SMYD3: variants seen among roughly 807,000 people sequenced by gnomAD.
SMYD3 encodes SET and MYND domain containing 3.
In SMYD3, 36 loss-of-function variants were observed where a neutral mutation model predicts 57.7. That is an observed-to-expected ratio of 0.62 (90% confidence interval 0.48 to 0.82). The LOEUF is 0.82. Ranked by LOEUF, SMYD3 falls within the 40% of genes least tolerant of loss-of-function variation. SMYD3 has a pLI of 0.00. For missense variants in SMYD3, 515 were observed against 538.8 expected, an observed-to-expected ratio of 0.96 and a Z score of 0.44; for synonymous variants, 211 against 195.0, an observed-to-expected ratio of 1.08 and a Z score of -0.68.
At chr1:246,025,594 C>A (rs1431840518) in intron 5 of SMYD3, among the ~76,000 whole-genome samples, 1 of 152,156 alleles carries the variant, frequency 6.6e-6, no homozygotes, top group African/African-American at 2.4e-5. Context: ...CTAGCCCACA[C>A]CAACCACAAA....
rs1261017352 is a variant in SMYD3 at position 246,210,926 on chromosome 1, C to T, written c.531+116275G>A. On this transcript the variant is annotated intron_variant, in intron 5 of 11. Transcript: ENST00000490107. ...ATGAGTGCTGCACTGCTTTCGGCCCCGCATGGTGTGCTGGCAGACACCACC... is the reference window on the plus strand; with the variant it reads ...ATGAGTGCTGCACTGCTTTCGGCCCTGCATGGTGTGCTGGCAGACACCACC... Among the ~76,000 whole-genome samples the T allele has an allele frequency of 3.3e-5, 5 of 152,072 alleles. No individual in the cohort carries two copies. In the East Asian group the frequency reaches 5.8e-4, roughly 18 times the overall value.
chr1:246,429,621 G>A (rs1269414306), intron 1 of SMYD3, among the ~76,000 whole-genome samples: 1 of 152,192 alleles, frequency 6.6e-6, no homozygotes, highest in East Asian at 1.9e-4. Flanking sequence ...TGTGTTCCCA[G>A]AACTTAAGAT....
Position 245,799,977 on chromosome 1 carries a change from C to T in SMYD3, c.1077-35828G>A, listed in dbSNP as rs537521574. Among the ~76,000 whole-genome samples, 3 of 152,364 alleles carry T rather than the reference C, an allele frequency of 2.0e-5. No homozygotes were observed. The South Asian group carries it at 6.2e-4, about 32-fold the overall frequency. ...AACAGTTGGCATCACTTTGAAGCCA[C>T]TCCAAGGTGGCATCTGCACTTAATA... is the stretch of plus-strand genomic sequence containing the variant. On this transcript the variant is annotated intron_variant, in intron 10 of 11. Coordinates refer to ENST00000490107, the MANE Select transcript of SMYD3 (RefSeq NM_001167740.2).
chr1:246,269,662 G>A (rs576098909), intron 5 of SMYD3, among the ~76,000 whole-genome samples: 13 of 150,682 alleles, frequency 8.6e-5, no homozygotes, highest in Admixed American at 1.3e-4. Flanking sequence ...TCAACCTCCC[G>A]AGCCCAAGCA....
chr1:246,007,901 A>G (rs1481734792), intron 5 of SMYD3, among the ~76,000 whole-genome samples: 2 of 152,192 alleles, frequency 1.3e-5, no homozygotes, highest in South Asian at 4.2e-4. Context: ...TAAATGCATT[A>G]GAAAAGAACT....
intron 1 of SMYD3, among the ~76,000 whole-genome samples, chr1:246,421,258 TTTTA>T (rs146227858): frequency 0.085 from 12,963 of 152,156 alleles, 663 homozygotes; most frequent in Middle Eastern, 0.2. Context: ...GTTGTACCAC[TTTTA>T]TTTACCTTAC....
intron 2 of SMYD3, among the ~76,000 whole-genome samples, chr1:246,349,523 A>T (rs2065787256): frequency 6.6e-6 from 1 of 152,044 alleles, no homozygotes; most frequent in African/African-American, 2.4e-5. Context: ...AAGGAGGATG[A>T]GTTGAACTGA....
chr1:245,896,389 C>CAAAAAAAAAAAAAAAAAAA (rs3052904), intron 8 of SMYD3, among the ~76,000 whole-genome samples: 6 of 73,722 alleles, frequency 8.1e-5, no homozygotes, highest in Admixed American at 1.6e-4. Context: ...TTTGCCAAGT[C>CAAAAAAAAAAAAAAAAAAA]AAAAAAAAAA....
In SMYD3 at chr1:246,385,673, A is replaced by G. The variant is rs1402537693; in HGVS notation, c.165-30579T>C. ...CTCCAAACTGTGCATTATATTGTCTATGAACAAGAAATGAAATGGACATGG... is the reference window on the plus strand; with the variant it reads ...CTCCAAACTGTGCATTATATTGTCTGTGAACAAGAAATGAAATGGACATGG... On this transcript the variant is annotated intron_variant, in intron 1 of 11. Coordinates refer to ENST00000490107, the MANE Select transcript of SMYD3 (RefSeq NM_001167740.2). Among the ~76,000 whole-genome samples the G allele has an allele frequency of 2.0e-5, 3 of 152,232 alleles. No individual in the cohort carries two copies. In the East Asian group the frequency reaches 5.8e-4, roughly 29 times the overall value.
In SMYD3 at chr1:246,387,207, C is replaced by T. The variant is rs192691450; in HGVS notation, c.165-32113G>A. Among the ~76,000 whole-genome samples the T allele has an allele frequency of 2.0e-5, 3 of 152,270 alleles. No individual in the cohort carries two copies. In the South Asian group the frequency reaches 6.2e-4, roughly 32 times the overall value. ...GGCAACGTACTTAGCATATGGTATA[C>T]GGTATGAGCTTTAGACATGGACTGA... On this transcript the variant is annotated intron_variant, in intron 1 of 11. Transcript: ENST00000490107.
intron 5 of SMYD3, among the ~76,000 whole-genome samples, chr1:246,182,498 CCA>C (rs1488491380): frequency 1.3e-5 from 2 of 151,338 alleles, no homozygotes; most frequent in East Asian, 3.9e-4. Flanking sequence ...GGTCAGGTAG[CCA>C]CTTTCATGCA....
chr1:245,862,127 T>C (rs372483330), intron 9 of SMYD3, among the ~76,000 whole-genome samples: 16 of 152,172 alleles, frequency 1.1e-4, no homozygotes, highest in African/African-American at 3.9e-4. Context: ...CATCTCATCA[T>C]AGACAGCGTT....
At chr1:245,753,401 C>T (rs2045475556) in intron 11 of SMYD3, among the ~76,000 whole-genome samples, 1 of 152,188 alleles carries the variant, frequency 6.6e-6, no homozygotes, top group East Asian at 1.9e-4. Flanking sequence ...AAGTAGGATT[C>T]AGTAATGTGC....
intron 5 of SMYD3, among the ~76,000 whole-genome samples, chr1:246,034,961 C>T (rs1420808818): frequency 6.6e-6 from 1 of 152,164 alleles, no homozygotes; most frequent in Non-Finnish European, 1.5e-5. Flanking sequence ...ACACCTTCCT[C>T]CCCCAATATA....
rs1404171847 is a variant in SMYD3, at chr1:246,469,984, TAC to T, written c.164+37068_164+37069del. Among the ~76,000 whole-genome samples, 8 of 152,322 alleles carry T rather than the reference TAC, an allele frequency of 5.3e-5. No individual in the cohort carries two copies. In the East Asian group the frequency reaches 1.5e-3, roughly 29 times the overall value. On this transcript the variant is annotated intron_variant, in intron 1 of 11. Transcript: ENST00000490107. ...GAACAACACAGTATCACACATACAC[TAC>T]ATAAATACTGTCTTATGTAATACTC...
At chr1:246,048,246 G>GC (rs1370643578) in intron 5 of SMYD3, among the ~76,000 whole-genome samples, 1 of 152,130 alleles carries the variant, frequency 6.6e-6, no homozygotes, top group Non-Finnish European at 1.5e-5. Flanking sequence ...TTCATTTCAA[G>GC]CATTTCACTG....
In SMYD3 at chr1:246,084,662, C is replaced by T. The variant is rs1213527408; in HGVS notation, c.532-154725G>A. 4.6e-5 allele frequency among the ~76,000 whole-genome samples: 7 copies of T among 152,118 alleles called. No homozygotes were observed. The East Asian group carries it at 1.2e-3, about 25-fold the overall frequency. On this transcript the variant is annotated intron_variant, in intron 5 of 11. Transcript: ENST00000490107. ...ATGACACGCACTTACTATGTATTTA[C>T]GAGGGTCATTGTTTTACCTCTGAAA...
chr1:246,007,876 C>T (rs79883508), intron 5 of SMYD3, among the ~76,000 whole-genome samples: 8,340 of 150,546 alleles, frequency 0.055, 268 homozygotes, highest in Non-Finnish European at 0.069. Flanking sequence ...TGTACTCAGA[C>T]GTGGGAAACA....
In SMYD3 at chr1:245,915,520, T is replaced by C; in HGVS notation, c.813+10A>G. 2 of 1,586,740 alleles carry C rather than the reference T, an allele frequency of 1.3e-6. No homozygotes were observed. Among genetic ancestry groups the C allele is most frequent in the Non-Finnish European group, 1.7e-6 (2 of 1,156,052 alleles). ...GTGGAGGTGTTTCAATCTGGTTCCATACTACATACCTTGTCCTGGGTTTGG... is the reference window on the plus strand; with the variant it reads ...GTGGAGGTGTTTCAATCTGGTTCCACACTACATACCTTGTCCTGGGTTTGG... On this transcript the variant is annotated intron_variant, in intron 8 of 11. Coordinates refer to ENST00000490107, the MANE Select transcript of SMYD3 (RefSeq NM_001167740.2).
Sources: allele counts gnomAD v4.1 joint callset (sites outside exome capture counted in the v4.1 genomes callset), GRCh38; gene constraint gnomAD v4.1.1; transcripts MANE v1.5; gene names NCBI Gene and HGNC (gene_info 2026-07-23, HGNC 2026-07-21).